Variants in SNCAIP observed in about 807,000 individuals in gnomAD.
SNCAIP encodes the protein synuclein alpha interacting protein.
A neutral mutation model predicts 86.7 loss-of-function variants in SNCAIP; 43 were observed. The observed-to-expected ratio is 0.50, with a 90% CI of 0.39 to 0.64. SNCAIP has a LOEUF of 0.64. Ranked by LOEUF, SNCAIP falls within the 30% of genes least tolerant of loss-of-function variation. SNCAIP has a pLI of 0.00. For missense variants in SNCAIP, 981 were observed against 1,103.1 expected (o/e 0.89, Z 1.57); for synonymous variants, 417 against 427.2 (o/e 0.98, Z 0.29).
At chr5:122,406,983 C>G (rs757739765) in intron 3 of SNCAIP, among the ~76,000 whole-genome samples, 2 of 152,068 alleles carry the variant, frequency 1.3e-5, no homozygotes, top group Non-Finnish European at 2.9e-5. Context: ...ATATCTTTGA[C>G]CAGATGTTCT....
chr5:122,446,489 T>C (rs1782342510), intron 8 of SNCAIP, among the ~76,000 whole-genome samples: 1 of 152,244 alleles, frequency 6.6e-6, no homozygotes, highest in Admixed American at 6.5e-5. Context: ...AGTCAAAGTC[T>C]TGGCTGCTTT....
intron 1 of SNCAIP, among the ~76,000 whole-genome samples, chr5:122,359,980 G>A (rs1171152879): frequency 6.6e-6 from 1 of 152,100 alleles, no homozygotes; most frequent in Non-Finnish European, 1.5e-5. Context: ...AAGGATTCCT[G>A]TATATGAAAC....
chr5:122,346,088 G>C lies in SNCAIP; in HGVS notation c.-47+33804G>C, dbSNP rs1758571806. ...GGTAGAACATTTTGTTCAATTAATA[G>C]ACATATTAACTTTCCAGTAAGTGCA... On this transcript the variant is annotated intron_variant, in intron 1 of 10. Coordinates refer to ENST00000261368, the MANE Select transcript of SNCAIP (RefSeq NM_005460.4). Among the ~76,000 whole-genome samples the C allele has an allele frequency of 1.3e-5, 2 of 152,104 alleles. 1 individual carries two copies. The highest frequency in any genetic ancestry group is 2.9e-5 in the Non-Finnish European group (2 of 68,032).
chr5:122,354,770 G>T (rs1443993632), intron 1 of SNCAIP, among the ~76,000 whole-genome samples: 1 of 152,028 alleles, frequency 6.6e-6, no homozygotes, highest in African/African-American at 2.4e-5. Flanking sequence ...AGATCAACTG[G>T]ACTTTTATTC....
intron 4 of SNCAIP, among the ~76,000 whole-genome samples, chr5:122,424,399 A>G (rs1471123187): frequency 1.3e-5 from 2 of 152,166 alleles, no homozygotes; most frequent in Admixed American, 6.5e-5. Context: ...ATCTGCCTAC[A>G]TTGTTCTTTT....
At chr5:122,414,111 G>T (rs1432546939) in intron 3 of SNCAIP, among the ~76,000 whole-genome samples, 1 of 151,250 alleles carries the variant, frequency 6.6e-6, no homozygotes. Flanking sequence ...GGATCTCAGT[G>T]TTACTCAGGC....
chr5:122,413,087 G>A (rs1320946337), intron 3 of SNCAIP, among the ~76,000 whole-genome samples: 1 of 152,164 alleles, frequency 6.6e-6, no homozygotes, highest in Non-Finnish European at 1.5e-5. Context: ...CAAAGCAGCT[G>A]CTGAGAGCTC....
intron 2 of SNCAIP, among the ~76,000 whole-genome samples, chr5:122,403,283 A>G (rs1772218114): frequency 6.6e-6 from 1 of 152,180 alleles, no homozygotes; most frequent in Non-Finnish European, 1.5e-5. Context: ...GATGCTACAC[A>G]GTAAAATCTG....
chr5:122,428,356 G>A (rs1408249222), intron 5 of SNCAIP, among the ~76,000 whole-genome samples: 1 of 152,102 alleles, frequency 6.6e-6, no homozygotes, highest in Non-Finnish European at 1.5e-5. Context: ...TTTATGGCAA[G>A]TAATACTGGT....
intron 10 of SNCAIP, among the ~76,000 whole-genome samples, chr5:122,455,093 A>G (rs952459009): frequency 1.3e-5 from 2 of 152,236 alleles, no homozygotes; most frequent in African/African-American, 4.8e-5. Flanking sequence ...ACTGTATTTA[A>G]ATAAGCATCT....
intron 1 of SNCAIP, among the ~76,000 whole-genome samples, chr5:122,359,690 A>G (rs545267508): frequency 4.6e-5 from 7 of 152,268 alleles, no homozygotes; most frequent in African/African-American, 1.7e-4. Flanking sequence ...GAATAAAGCA[A>G]ATATAATTTT....
At chr5:122,452,726 C>G (rs538682114) in intron 10 of SNCAIP, among the ~76,000 whole-genome samples, 3 of 152,196 alleles carry the variant, frequency 2.0e-5, no homozygotes, top group Non-Finnish European at 4.4e-5. Context: ...TCAGATCAAA[C>G]TTTTCCAGGT....
intron 6 of SNCAIP, among the ~76,000 whole-genome samples, chr5:122,435,620 T>A (rs1316407037): frequency 7.1e-6 from 1 of 139,996 alleles, no homozygotes. Flanking sequence ...CTACACTGTT[T>A]TTATTATTTT....
chr5:122,337,873 T>C (rs1174306285), intron 1 of SNCAIP, among the ~76,000 whole-genome samples: 3 of 152,198 alleles, frequency 2.0e-5, no homozygotes, highest in Non-Finnish European at 2.9e-5. Flanking sequence ...ACAACTGAAA[T>C]AGAAAAGGTT....
intron 1 of SNCAIP, among the ~76,000 whole-genome samples, chr5:122,313,147 A>AG (rs1284730254): frequency 7.2e-5 from 11 of 152,196 alleles, no homozygotes; most frequent in Admixed American, 7.2e-4. Context: ...GACGGCTAGG[A>AG]GGGGGGAAAC....
chr5:122,390,810 G>A (rs1375764387), intron 1 of SNCAIP, among the ~76,000 whole-genome samples: 1 of 152,166 alleles, frequency 6.6e-6, no homozygotes, highest in African/African-American at 2.4e-5. Flanking sequence ...GGGAGATTCT[G>A]ACCCAAGTTA....
chr5:122,390,092 C>T (rs1431063426), intron 1 of SNCAIP, among the ~76,000 whole-genome samples: 1 of 152,020 alleles, frequency 6.6e-6, no homozygotes, highest in East Asian at 1.9e-4. Context: ...TATTGTTCAG[C>T]AAGGTACATC....
intron 6 of SNCAIP, 32 bp downstream of exon 6, chr5:122,432,114 T>G: frequency 1.1e-6 from 1 of 890,378 alleles, no homozygotes; most frequent in South Asian, 1.3e-5. Flanking sequence ...ATCTTCCCTT[T>G]GTGTACCATA....
intron 1 of SNCAIP, chr5:122,312,526 T>G (rs920120078): frequency 6.6e-6 from 1 of 152,296 alleles, no homozygotes; most frequent in East Asian, 1.9e-4. Flanking sequence ...GCTGCTTTAC[T>G]GGGGAAAGGG....
Sources: allele counts gnomAD v4.1 joint callset (sites outside exome capture counted in the v4.1 genomes callset), GRCh38; gene constraint gnomAD v4.1.1; transcripts MANE v1.5; gene names NCBI Gene and HGNC (gene_info 2026-07-23, HGNC 2026-07-21).